Variants in SV2C observed in about 807,000 individuals in gnomAD.
The protein encoded by SV2C is synaptic vesicle glycoprotein 2C.
SV2C carries 49 observed loss-of-function variants against 79.7 expected under a neutral mutation model. That is an observed-to-expected ratio of 0.61 (90% CI 0.49 to 0.78). The LOEUF is 0.78. SV2C is among the 30% of genes least tolerant of loss of function. The pLI is 0.00. For missense variants in SV2C, 833 were observed against 912.9 expected (o/e 0.91, Z 1.13); for synonymous variants, 334 against 333.2 (o/e 1.00, Z -0.03).
the SV2C span, among the ~76,000 whole-genome samples, chr5:75,996,111 G>A: frequency 0.015 from 2,306 of 152,252 alleles, 64 homozygotes; most frequent in African/African-American, 0.053. Context: ...GGTTTTTATG[G>A]TTTTAGGTCT....
At chr5:76,310,086 C>T (rs1391277719) in intron 12 of SV2C, among the ~76,000 whole-genome samples, 2 of 151,926 alleles carry the variant, frequency 1.3e-5, no homozygotes, top group African/African-American at 2.4e-5. Flanking sequence ...ATATCCTGTG[C>T]CAGGAACTAT....
rs1457908364 is a variant in SV2C at position 76,176,824 on chromosome 5, C to T, written c.581-18095C>T. Among the ~76,000 whole-genome samples, 5 of 152,088 alleles carry T rather than the reference C, an allele frequency of 3.3e-5. No homozygotes were observed. The South Asian group carries it at 6.2e-4, about 19-fold the overall frequency. ...TAAGCCATTTTGATTTTCTTTAAAACTGAAAGTAGAGGCCGGCAAGGTGGC... is the reference window on the plus strand; with the variant it reads ...TAAGCCATTTTGATTTTCTTTAAAATTGAAAGTAGAGGCCGGCAAGGTGGC... On this transcript the variant is annotated intron_variant, in intron 2 of 12. Coordinates refer to ENST00000502798, the MANE Select transcript of SV2C (RefSeq NM_014979.4).
At chr5:76,201,470 T>G (rs1744439013) in intron 3 of SV2C, among the ~76,000 whole-genome samples, 1 of 152,198 alleles carries the variant, frequency 6.6e-6, no homozygotes, top group Non-Finnish European at 1.5e-5. Flanking sequence ...AATTTCAACG[T>G]GTCTGTATAT....
intron 11 of SV2C, 31 bp downstream of exon 11, chr5:76,300,963 A>C (rs754672045): frequency 6.2e-7 from 1 of 1,611,286 alleles, no homozygotes; most frequent in Admixed American, 1.7e-5. Context: ...CAAATAAAAG[A>C]GCTGCCCCTG....
chr5:76,024,828 T>C, the SV2C span, among the ~76,000 whole-genome samples: 1 of 152,300 alleles, frequency 6.6e-6, no homozygotes, highest in Non-Finnish European at 1.5e-5. Flanking sequence ...GGGAATAGCG[T>C]ATTTTCTACC....
chr5:76,250,047 A>G (rs138404560), intron 4 of SV2C, among the ~76,000 whole-genome samples: 61 of 152,324 alleles, frequency 4.0e-4, no homozygotes, highest in African/African-American at 1.4e-3. Context: ...CATAGAAATC[A>G]GGTGTGAAAT....
At chr5:76,144,077 G>A (rs746430484) in intron 2 of SV2C, among the ~76,000 whole-genome samples, 1 of 152,102 alleles carries the variant, frequency 6.6e-6, no homozygotes, top group Admixed American at 6.5e-5. Context: ...GGTCGTGGTG[G>A]TTACGCAACA....
intron 2 of SV2C, among the ~76,000 whole-genome samples, chr5:76,179,196 A>G (rs1033062589): frequency 2.0e-5 from 3 of 152,196 alleles, no homozygotes; most frequent in African/African-American, 7.2e-5. Flanking sequence ...TTCAAGGTAC[A>G]TGATTTGGAT....
chr5:75,901,476 G>A, the SV2C span, among the ~76,000 whole-genome samples: 5 of 152,202 alleles, frequency 3.3e-5, no homozygotes, highest in Non-Finnish European at 7.3e-5. Context: ...CCGGCCGTGT[G>A]AGGTGTCAGT....
the SV2C span, among the ~76,000 whole-genome samples, chr5:75,922,176 A>G: frequency 3.0e-3 from 459 of 152,250 alleles, 4 homozygotes; most frequent in Non-Finnish European, 3.5e-3. Context: ...TCACATTTAA[A>G]TAACTGAATT....
the SV2C span, among the ~76,000 whole-genome samples, chr5:75,863,944 A>T: frequency 6.6e-6 from 1 of 152,238 alleles, no homozygotes; most frequent in African/African-American, 2.4e-5. Flanking sequence ...AATGTGAGGC[A>T]TATTCGACTT....
At chr5:75,940,789 G>A in the SV2C span, among the ~76,000 whole-genome samples, 1 of 152,204 alleles carries the variant, frequency 6.6e-6, no homozygotes, top group Non-Finnish European at 1.5e-5. Context: ...GACTTAAAGT[G>A]CAAGAGATTC....
chr5:76,012,073 G>C, the SV2C span, among the ~76,000 whole-genome samples: 7 of 152,074 alleles, frequency 4.6e-5, no homozygotes, highest in Non-Finnish European at 1.0e-4. Context: ...AAATATACAT[G>C]TGCATGTGTC....
the SV2C span, among the ~76,000 whole-genome samples, chr5:75,992,756 A>T: frequency 3.7e-5 from 3 of 80,586 alleles, no homozygotes; most frequent in African/African-American, 1.5e-4. Flanking sequence ...GAAAATAAAC[A>T]AGAAGTGATA....
At chr5:76,141,139 C>T (rs1176517280) in intron 2 of SV2C, among the ~76,000 whole-genome samples, 1 of 152,202 alleles carries the variant, frequency 6.6e-6, no homozygotes, top group African/African-American at 2.4e-5. Flanking sequence ...CCTGAAAAGA[C>T]TCTTCCATCC....
intron 4 of SV2C, among the ~76,000 whole-genome samples, chr5:76,265,734 C>T (rs147310991): frequency 8.5e-5 from 13 of 152,202 alleles, no homozygotes; most frequent in South Asian, 2.1e-4. Context: ...CTCCACCGCT[C>T]CTTGCACTCC....
At chr5:76,158,602 G>C (rs190075066) in intron 2 of SV2C, among the ~76,000 whole-genome samples, 74 of 152,064 alleles carry the variant, frequency 4.9e-4, no homozygotes, top group African/African-American at 1.7e-3. Flanking sequence ...AATGGTAGTT[G>C]AAGACTTCAA....
chr5:75,930,484 CAT>C, the SV2C span, among the ~76,000 whole-genome samples: 1 of 152,178 alleles, frequency 6.6e-6, no homozygotes, highest in Non-Finnish European at 1.5e-5. Context: ...GTCTCAGTGA[CAT>C]GTTATTTCTT....
chr5:76,068,586 C>T, the SV2C span, among the ~76,000 whole-genome samples: 2 of 151,948 alleles, frequency 1.3e-5, no homozygotes, highest in South Asian at 4.2e-4. Flanking sequence ...GGAAAGTTTT[C>T]AATGTCTTTG....
Sources: allele counts gnomAD v4.1 joint callset (sites outside exome capture counted in the v4.1 genomes callset), GRCh38; gene constraint gnomAD v4.1.1; transcripts MANE v1.5; gene names NCBI Gene and HGNC (gene_info 2026-07-23, HGNC 2026-07-21).